Variants in GRM7 observed in about 807,000 individuals in gnomAD.
The protein encoded by GRM7 is glutamate metabotropic receptor 7, also known as metabotropic glutamate receptor 7.
Under a neutral mutation model 84.5 loss-of-function variants are expected in GRM7, and 35 were observed. The observed-to-expected ratio is 0.41, with a 90% CI of 0.32 to 0.55. The LOEUF is 0.55. GRM7 is among the 20% of genes least tolerant of loss of function. The pLI is 0.19. For missense variants in GRM7, 1,003 were observed against 1,194.6 expected (o/e 0.84, Z 2.36); for synonymous variants, 487 against 455.1 (o/e 1.07, Z -0.89).
intron 1 of GRM7, among the ~76,000 whole-genome samples, chr3:6,873,425 C>CTTTTGGATTTGGG (rs1695197850): frequency 6.6e-6 from 1 of 152,138 alleles, no homozygotes. Flanking sequence ...GTTAAGAGTA[C>CTTTTGGATTTGGG]AGGTGCTGAA....
chr3:7,483,085 A>G lies in GRM7; in HGVS notation c.1515+21363A>G, dbSNP rs116073709. Among the ~76,000 whole-genome samples the G allele has an allele frequency of 3.8e-3, 573 of 152,292 alleles. 4 individuals are homozygous for G. Among genetic ancestry groups the G allele is most frequent in the African/African-American group, 0.013 (544 of 41,576 alleles). ...TGAAGAATGAGTATCTTTTCAGCATATCCAATGAGTCATCCATTCACCCAA... is the reference window on the plus strand; with the variant it reads ...TGAAGAATGAGTATCTTTTCAGCATGTCCAATGAGTCATCCATTCACCCAA... On this transcript the variant is annotated intron_variant, in intron 7 of 9. Transcript: ENST00000357716.
chr3:7,453,151 T>C (rs1005757767), intron 6 of GRM7, among the ~76,000 whole-genome samples: 1 of 151,540 alleles, frequency 6.6e-6, no homozygotes, highest in African/African-American at 2.4e-5. Flanking sequence ...AAAACTGAAG[T>C]CATTTTTCCT....
chr3:7,155,320 G>A (rs1411336522), intron 2 of GRM7, among the ~76,000 whole-genome samples: 1 of 152,038 alleles, frequency 6.6e-6, no homozygotes, highest in Admixed American at 6.6e-5. Context: ...AAGTTGGGTA[G>A]TCACAGTGTA....
chr3:7,550,055 A>G (rs1315130098), intron 7 of GRM7, among the ~76,000 whole-genome samples: 5 of 151,438 alleles, frequency 3.3e-5, no homozygotes, highest in Non-Finnish European at 7.4e-5. Flanking sequence ...CCCCCTCTTT[A>G]CATAAAGTAT....
intron 2 of GRM7, among the ~76,000 whole-genome samples, chr3:7,244,395 A>T (rs542934571): frequency 6.6e-6 from 1 of 152,214 alleles, no homozygotes; most frequent in South Asian, 2.1e-4. Flanking sequence ...TCTAAATTAC[A>T]TGCTGATCAC....
intron 8 of GRM7, among the ~76,000 whole-genome samples, chr3:7,677,915 T>C (rs1237343124): frequency 1.3e-5 from 2 of 152,180 alleles, no homozygotes; most frequent in African/African-American, 4.8e-5. Context: ...TGAAATATTA[T>C]GCATCCATAA....
At chr3:7,336,490 G>A (rs1701426401) in intron 4 of GRM7, among the ~76,000 whole-genome samples, 1 of 151,946 alleles carries the variant, frequency 6.6e-6, no homozygotes, top group African/African-American at 2.4e-5. Flanking sequence ...AACAAGACAA[G>A]GATGCCCACT....
chr3:7,126,788 G>C (rs141455045), intron 1 of GRM7, among the ~76,000 whole-genome samples: 11 of 152,084 alleles, frequency 7.2e-5, no homozygotes, highest in Non-Finnish European at 1.3e-4. Flanking sequence ...CTTTCACTTT[G>C]TTAATCTCTT....
At chr3:6,987,742 T>C (rs2124847590) in intron 1 of GRM7, among the ~76,000 whole-genome samples, 1 of 152,234 alleles carries the variant, frequency 6.6e-6, no homozygotes, top group Middle Eastern at 3.4e-3. Context: ...ATTTAAGAGG[T>C]CACAGTGGCT....
chr3:7,471,089 C>A (rs1698682010), intron 7 of GRM7, among the ~76,000 whole-genome samples: 2 of 151,618 alleles, frequency 1.3e-5, no homozygotes, highest in South Asian at 4.2e-4. Flanking sequence ...AAAGTCAAAT[C>A]AAGCAAAATA....
chr3:7,307,996 T>TG (rs937003936), intron 4 of GRM7, among the ~76,000 whole-genome samples: 9 of 152,054 alleles, frequency 5.9e-5, no homozygotes, highest in Admixed American at 5.9e-4. Context: ...GTGATATGGT[T>TG]GGGGAAGATA....
At chr3:7,528,489 A>G (rs1700895329) in intron 7 of GRM7, among the ~76,000 whole-genome samples, 1 of 151,844 alleles carries the variant, frequency 6.6e-6, no homozygotes, top group South Asian at 2.1e-4. Context: ...CATTGATCCT[A>G]TGTATGATTT....
At chr3:7,136,017 C>G (rs147793677) in intron 1 of GRM7, among the ~76,000 whole-genome samples, 103 of 152,164 alleles carry the variant, frequency 6.8e-4, no homozygotes, top group Non-Finnish European at 1.1e-3. Context: ...GGAGATCCTT[C>G]TGCCTAGTAG....
chr3:7,700,579 A>T (rs13075495), intron 9 of GRM7, among the ~76,000 whole-genome samples: 2,409 of 152,338 alleles, frequency 0.016, 23 homozygotes, highest in Non-Finnish European at 0.025. Flanking sequence ...AAATAGATTT[A>T]GTCATAAATA....
rs1574935886 is a variant in GRM7, at chr3:6,861,356, C to G, written c.-33C>G. On this transcript the variant is annotated 5_prime_UTR_variant, in exon 1 of 10. Coordinates refer to ENST00000357716, the MANE Select transcript of GRM7 (RefSeq NM_000844.4). The surrounding 1 kb of genome is among the most constrained non-coding windows in gnomAD (Gnocchi z 6.4). ...GCGAGCCCACCACCGTTCCCTCCAG[C>G]GCCGCCGCCGCCACCGCAGCAGCCG... The G allele has an allele frequency of 3.4e-6, 5 of 1,471,422 alleles. 1 individual carries two copies. The highest frequency in any genetic ancestry group is 4.5e-6 in the Non-Finnish European group (5 of 1,122,088). 91.1% of individuals were successfully genotyped at this position (1,471,422 alleles called of 1,614,324 possible).
At chr3:7,328,831 G>A (rs745765672) in intron 4 of GRM7, among the ~76,000 whole-genome samples, 4 of 151,882 alleles carry the variant, frequency 2.6e-5, no homozygotes, top group Admixed American at 6.6e-5. Context: ...GCCCAGGGCC[G>A]AGTTTTGCAG....
At chr3:7,688,268 GC>G (rs1393921422) in intron 9 of GRM7, among the ~76,000 whole-genome samples, 1 of 151,820 alleles carries the variant, frequency 6.6e-6, no homozygotes, top group East Asian at 1.9e-4. Context: ...CAAACTTGTA[GC>G]TAGAATTGTC....
At chr3:6,881,195 T>C (rs2124962588) in intron 1 of GRM7, among the ~76,000 whole-genome samples, 1 of 152,306 alleles carries the variant, frequency 6.6e-6, no homozygotes, top group Non-Finnish European at 1.5e-5. Flanking sequence ...GTTACATGGG[T>C]AAATGTGTGC....
At chr3:7,474,785 A>G (rs76911212) in intron 7 of GRM7, among the ~76,000 whole-genome samples, 8,129 of 151,708 alleles carry the variant, frequency 0.054, 747 homozygotes, top group African/African-American at 0.19. Flanking sequence ...GTAGGGACCA[A>G]TTGGGAATGT....
Sources: allele counts gnomAD v4.1 joint callset (sites outside exome capture counted in the v4.1 genomes callset), GRCh38; gene constraint gnomAD v4.1.1; non-coding constraint Gnocchi (gnomAD v3.1); transcripts MANE v1.5; gene names NCBI Gene and HGNC (gene_info 2026-07-23, HGNC 2026-07-21).